Variants in ADGRV1 observed in about 807,000 individuals in gnomAD.
ADGRV1 encodes adhesion G protein-coupled receptor V1, also known as G-protein coupled receptor 98.
Under a neutral mutation model 596.2 loss-of-function variants are expected in ADGRV1, and 359 were observed. That is an observed-to-expected ratio of 0.60 (90% CI 0.55 to 0.66). The LOEUF (loss-of-function observed/expected upper bound fraction) is 0.66. Ranked by LOEUF, ADGRV1 falls within the 30% of genes least tolerant of loss-of-function variation. The pLI, the probability that ADGRV1 is intolerant of heterozygous loss-of-function variation, is 0.00. For synonymous variants in ADGRV1, 2,681 were observed against 2,679.2 expected (o/e 1.00, Z -0.02); for missense variants, 7,274 against 7,575.6 (o/e 0.96, Z 1.48).
intron 85 of ADGRV1, among the ~76,000 whole-genome samples, chr5:91,056,535 T>A (rs1289417242): frequency 6.6e-6 from 1 of 152,082 alleles, no homozygotes; most frequent in Non-Finnish European, 1.5e-5. Flanking sequence ...TTTCTTTCAG[T>A]CAGCTCATGA....
intron 20 of ADGRV1, chr5:90,655,924 C>T (rs1323655916): frequency 6.6e-6 from 1 of 152,072 alleles, no homozygotes; most frequent in African/African-American, 2.4e-5. Context: ...TTAACATGTT[C>T]GTATACACAC....
At chr5:91,143,031 G>T (rs1388883077) in intron 87 of ADGRV1, among the ~76,000 whole-genome samples, 1 of 152,152 alleles carries the variant, frequency 6.6e-6, no homozygotes, top group Non-Finnish European at 1.5e-5. Context: ...GCAAGTATGG[G>T]GTCCGGCCAC....
intron 85 of ADGRV1, among the ~76,000 whole-genome samples, chr5:91,003,142 A>G (rs1781981864): frequency 6.6e-6 from 1 of 152,128 alleles, no homozygotes; most frequent in Non-Finnish European, 1.5e-5. Flanking sequence ...TATAAAGGTA[A>G]TTAGGACTGG....
chr5:91,148,363 A>G (rs1426822049), intron 87 of ADGRV1, among the ~76,000 whole-genome samples: 3 of 152,164 alleles, frequency 2.0e-5, no homozygotes, highest in African/African-American at 7.2e-5. Context: ...GACCTGGTCC[A>G]GGGCCCCGCT....
chr5:91,064,270 A>G (rs1419962438), intron 85 of ADGRV1, among the ~76,000 whole-genome samples: 1 of 152,224 alleles, frequency 6.6e-6, no homozygotes, highest in Non-Finnish European at 1.5e-5. Context: ...GAATATGTCT[A>G]TACTGGAATT....
chr5:90,866,862 G>A (rs1768171376), intron 83 of ADGRV1, among the ~76,000 whole-genome samples: 1 of 151,914 alleles, frequency 6.6e-6, no homozygotes, highest in Non-Finnish European at 1.5e-5. Context: ...TCTATTTTCA[G>A]TTTATCAAAA....
intron 85 of ADGRV1, chr5:91,031,365 G>C: frequency 8.4e-7 from 1 of 1,194,834 alleles, no homozygotes; most frequent in Non-Finnish European, 1.2e-6. Flanking sequence ...ATCCGCTGAC[G>C]GAAGTTCATC....
chr5:90,716,585 G>A lies in ADGRV1; in HGVS notation c.9303G>A (p.Leu3101=). ...ACGTCCAGGAGAGTGTTGCAGTATT[G>A]TACATTGTTCGGGAACCTGCACAAG... ...ALYVQESVAV[L]YIVREPAQGL... Residue 3101 remains leucine (L), a synonymous_variant, in exon 43 of 90, where the codon TTG becomes TTA. Transcript: ENST00000405460. 6.2e-7 allele frequency: 1 copy of A among 1,613,850 alleles called. No homozygotes were observed. Among genetic ancestry groups the A allele is most frequent in the African/African-American group, 1.3e-5 (1 of 75,018 alleles).
chr5:91,018,083 G>GA (rs1190375824), intron 85 of ADGRV1, among the ~76,000 whole-genome samples: 1 of 151,848 alleles, frequency 6.6e-6, no homozygotes, highest in African/African-American at 2.4e-5. Flanking sequence ...TATTCACTTA[G>GA]AAAAAGAAAA....
At chr5:90,947,109 G>A (rs1776644168) in intron 83 of ADGRV1, among the ~76,000 whole-genome samples, 1 of 152,128 alleles carries the variant, frequency 6.6e-6, no homozygotes, top group Admixed American at 6.5e-5. Flanking sequence ...CACTAACAGT[G>A]CAAAAGTGTT....
chr5:90,912,266 A>T (rs967209671), intron 83 of ADGRV1, among the ~76,000 whole-genome samples: 7 of 152,078 alleles, frequency 4.6e-5, no homozygotes, highest in African/African-American at 1.7e-4. Flanking sequence ...TAAGGAAGCA[A>T]GCAGGAGGGA....
chr5:90,841,092 T>C (rs1561832878), intron 78 of ADGRV1, 107 bp downstream of exon 78: 1 of 765,584 alleles, frequency 1.3e-6, no homozygotes, highest in Non-Finnish European at 1.9e-6. Flanking sequence ...ATTATGAAAT[T>C]ATGATAAATT....
chr5:90,831,725 G>T (rs374376729), intron 77 of ADGRV1, among the ~76,000 whole-genome samples: 1 of 151,404 alleles, frequency 6.6e-6, no homozygotes, highest in Non-Finnish European at 1.5e-5. Context: ...CTGCCCCACC[G>T]CCACCACCTT....
chr5:90,809,248 G>A (rs1561778097), intron 73 of ADGRV1, among the ~76,000 whole-genome samples: 1 of 145,932 alleles, frequency 6.9e-6, no homozygotes. Context: ...GAGCCACCGC[G>A]GCCAGGCATA....
At chr5:90,982,832 A>T (rs975300693) in intron 84 of ADGRV1, among the ~76,000 whole-genome samples, 2 of 152,198 alleles carry the variant, frequency 1.3e-5, no homozygotes, top group African/African-American at 4.8e-5. Context: ...CGCACTCTGC[A>T]TGTGGTGGGA....
At chr5:91,052,471 G>A (rs540121910) in intron 85 of ADGRV1, among the ~76,000 whole-genome samples, 5 of 147,534 alleles carry the variant, frequency 3.4e-5, no homozygotes, top group Admixed American at 1.4e-4. Flanking sequence ...TTGCTCTGTC[G>A]CCCAGGCTGG....
At chr5:90,583,011 T>C (rs1283418677) in intron 1 of ADGRV1, among the ~76,000 whole-genome samples, 6 of 152,212 alleles carry the variant, frequency 3.9e-5, no homozygotes, top group Admixed American at 2.0e-4. Context: ...CTAAAACTTA[T>C]CTAGGATTTA....
At chr5:91,111,806 A>G (rs1792392893) in intron 87 of ADGRV1, among the ~76,000 whole-genome samples, 1 of 152,180 alleles carries the variant, frequency 6.6e-6, no homozygotes, top group Non-Finnish European at 1.5e-5. Flanking sequence ...GAGCCATGTC[A>G]AATTCAGTGA....
chr5:90,889,400 G>C (rs1014923266), intron 83 of ADGRV1, among the ~76,000 whole-genome samples: 3 of 152,078 alleles, frequency 2.0e-5, no homozygotes, highest in Admixed American at 1.3e-4. Flanking sequence ...CCTCATTATA[G>C]AGAAGACTTA....
Sources: allele counts gnomAD v4.1 joint callset (sites outside exome capture counted in the v4.1 genomes callset), GRCh38; gene constraint gnomAD v4.1.1; transcripts MANE v1.5; gene names NCBI Gene and HGNC (gene_info 2026-07-23, HGNC 2026-07-21).